RBM19: variants seen among roughly 807,000 people sequenced by gnomAD.
The protein encoded by RBM19 is RNA binding motif protein 19.
Under a neutral mutation model 116.8 loss-of-function variants are expected in RBM19, and 94 were observed. The observed-to-expected ratio is 0.80, with a 90% CI of 0.68 to 0.95. The LOEUF (loss-of-function observed/expected upper bound fraction) is 0.95. Ranked by LOEUF, RBM19 falls within the 40% of genes least tolerant of loss-of-function variation. The probability of loss-of-function intolerance (pLI) is 0.00; values close to 1 mark genes in which losing one functional copy is unlikely to be tolerated. For synonymous variants in RBM19, 475 were observed against 494.1 expected, an observed-to-expected ratio of 0.96 and a Z score of 0.51; for missense variants, 1,161 against 1,220.7, an observed-to-expected ratio of 0.95 and a Z score of 0.73.
intron 21 of RBM19, among the ~76,000 whole-genome samples, chr12:113,902,208 C>T (rs1195674833): frequency 1.3e-5 from 2 of 152,116 alleles, no homozygotes; most frequent in African/African-American, 4.8e-5. Context: ...ACAATGAAAA[C>T]ACAGAATGGT....
At position 113,878,167 on chromosome 12, in the gene RBM19, C is replaced by T. The variant is rs550000607; in HGVS notation, c.2559-19271G>A. 8.4e-4 allele frequency among the ~76,000 whole-genome samples: 128 copies of T among 152,234 alleles called. 1 individual carries two copies. The highest frequency in any genetic ancestry group is 7.6e-4 in the Non-Finnish European group (52 of 68,006). ...GACGACCCTTGTTCTCAACTCATCT[C>T]CTCCCCATCCAAACCCCACTCCATC... On this transcript the variant is annotated intron_variant, in intron 21 of 23. Transcript: ENST00000261741.
intron 21 of RBM19, among the ~76,000 whole-genome samples, chr12:113,891,558 G>A (rs1880966346): frequency 6.6e-6 from 1 of 152,178 alleles, no homozygotes; most frequent in African/African-American, 2.4e-5. Flanking sequence ...CAGGGAGGAA[G>A]GGGCTGTCAT....
At position 113,850,669 on chromosome 12, in the gene RBM19, T is replaced by A. The variant is rs185797526; in HGVS notation, c.2665-5881A>T. ...TTGCATGCCCTTGGCAGGACTTCCA[T>A]CCCAAGGGGCTGCGAAGAACTGCCC... On this transcript the variant is annotated intron_variant, in intron 22 of 23. Transcript: ENST00000261741. Among the ~76,000 whole-genome samples, 47 of 152,306 alleles carry A rather than the reference T, an allele frequency of 3.1e-4. No homozygotes were observed. The East Asian group carries it at 7.7e-3, about 25-fold the overall frequency.
intron 21 of RBM19, among the ~76,000 whole-genome samples, chr12:113,859,986 A>G (rs1878234780): frequency 6.6e-6 from 1 of 152,226 alleles, no homozygotes; most frequent in South Asian, 2.1e-4. Context: ...CAGCATGACC[A>G]GGCATCTGCC....
intron 23 of RBM19, among the ~76,000 whole-genome samples, chr12:113,840,776 C>T (rs1464996968): frequency 6.6e-6 from 1 of 152,200 alleles, no homozygotes; most frequent in Non-Finnish European, 1.5e-5. Context: ...AGGCTCCTGT[C>T]CTCACTGGAC....
At chr12:113,912,543 A>G (rs1477844710) in intron 21 of RBM19, among the ~76,000 whole-genome samples, 1 of 152,214 alleles carries the variant, frequency 6.6e-6, no homozygotes, top group African/African-American at 2.4e-5. Flanking sequence ...AGGACACTCC[A>G]TCTCCCTAGT....
In RBM19 at chr12:113,949,097, C is replaced by A. The variant is rs1871280651; in HGVS notation, c.1073-61G>T. On this transcript the variant is annotated intron_variant, in intron 9 of 23. Transcript: ENST00000261741. ...CCTAGAACTTGCCAGCAACTCCTTG[C>A]TGGTGACTCCAAACTCTTCTCTGCT... The A allele has an allele frequency of 2.1e-6, 3 of 1,445,308 alleles. No individual in the cohort carries two copies. In the African/African-American group the frequency reaches 4.2e-5, roughly 20 times the overall value. The allele number at this position is 1,445,308 out of a possible 1,614,324, so 89.5% of individuals were successfully genotyped here.
chr12:113,892,010 G>A (rs538992524), intron 21 of RBM19, among the ~76,000 whole-genome samples: 2 of 152,260 alleles, frequency 1.3e-5, no homozygotes, highest in South Asian at 4.2e-4. Context: ...TGTGTCACCC[G>A]TGTCTACTTT....
At chr12:113,876,468 G>C (rs992954597) in intron 21 of RBM19, among the ~76,000 whole-genome samples, 3 of 152,200 alleles carry the variant, frequency 2.0e-5, no homozygotes, top group African/African-American at 7.2e-5. Flanking sequence ...AATGAACACA[G>C]AGCTGGGCCC....
chr12:113,829,539 T>C (rs1389694209), intron 23 of RBM19, among the ~76,000 whole-genome samples: 1 of 152,222 alleles, frequency 6.6e-6, no homozygotes, highest in Non-Finnish European at 1.5e-5. Flanking sequence ...GCATATTCTA[T>C]GTGCCAGGAA....
rs78452290 is a variant in RBM19 at position 113,957,922 on chromosome 12, C to T, written c.700G>A (p.Val234Met). The T allele has an allele frequency of 3.2e-3, 5,126 of 1,614,156 alleles. 134 individuals carry two copies. In the African/African-American group the frequency reaches 0.056, roughly 18 times the overall value. The change falls in exon 6 of 24, where the codon GTG becomes ATG. Residue 234 changes from valine (V) to methionine (M), a missense_variant. Physicochemically the swap from Val to Met is conservative, Grantham distance 21 (BLOSUM62 1). Transcript: ENST00000261741. ...SEEEESEDEA[V>M]HCDEGSEAEE... ...GCCTCACTCCCTTCATCACAGTGCA[C>T]GGCTTCATCTTCACTTTCCTCTTCC...
chr12:113,832,878 C>A (rs74846440), intron 23 of RBM19, among the ~76,000 whole-genome samples: 6,960 of 152,196 alleles, frequency 0.046, 236 homozygotes, highest in South Asian at 0.073. Flanking sequence ...GGCCTATTCG[C>A]AAAGGCTGAC....
chr12:113,855,582 G>C (rs527761964), intron 22 of RBM19, among the ~76,000 whole-genome samples: 2 of 152,170 alleles, frequency 1.3e-5, no homozygotes, highest in Non-Finnish European at 2.9e-5. Context: ...TGAGCCCTGG[G>C]AAGGGTTTTT....
chr12:113,868,240 C>G (rs7138196), intron 21 of RBM19, among the ~76,000 whole-genome samples: 16,636 of 152,192 alleles, frequency 0.11, 1,044 homozygotes, highest in Non-Finnish European at 0.15. Flanking sequence ...CACACCAAAG[C>G]CTGATGAAAC....
At chr12:113,834,931 C>T (rs1305762769) in intron 23 of RBM19, among the ~76,000 whole-genome samples, 1 of 152,218 alleles carries the variant, frequency 6.6e-6, no homozygotes, top group African/African-American at 2.4e-5. Flanking sequence ...ATATCACTCT[C>T]TGCACATGGT....
chr12:113,873,006 G>C (rs1267168493), intron 21 of RBM19, among the ~76,000 whole-genome samples: 3 of 115,922 alleles, frequency 2.6e-5, no homozygotes, highest in African/African-American at 6.1e-5. Context: ...CCCCTACTGG[G>C]AAGTGAGGAG....
chr12:113,938,773 G>C lies in RBM19; in HGVS notation c.1938+1187C>G, dbSNP rs988449144. Among the ~76,000 whole-genome samples, 9 of 152,268 alleles carry C rather than the reference G, an allele frequency of 5.9e-5. No individual in the cohort carries two copies. The South Asian group carries it at 6.2e-4, about 11-fold the overall frequency. ...AGGAAAAGCCAAGTGAGGATGAAGG[G>C]AGAAACTGGAGTGATGCAGCCATGG... On this transcript the variant is annotated intron_variant, in intron 15 of 23. Transcript: ENST00000261741.
chr12:113,943,591 A>C (rs1283886484), intron 13 of RBM19, among the ~76,000 whole-genome samples: 2 of 152,036 alleles, frequency 1.3e-5, no homozygotes, highest in Non-Finnish European at 2.9e-5. Context: ...AGGCTGAGGC[A>C]GGGGGATCAC....
intron 23 of RBM19, among the ~76,000 whole-genome samples, chr12:113,836,994 TACACAC>T (rs55991489): frequency 0.077 from 4,297 of 56,132 alleles, 326 homozygotes; most frequent in East Asian, 0.29. Flanking sequence ...ACTTACTACA[TACACAC>T]ACACACACAC....
Sources: gnomAD v4.1 joint callset for allele counts (sites outside exome capture counted in the v4.1 genomes callset) on GRCh38, gnomAD v4.1.1 for gene constraint, MANE v1.5 for transcripts, NCBI Gene and HGNC (gene_info 2026-07-23, HGNC 2026-07-21) for gene names.